The following AGBL1 variants were observed in gnomAD, a reference collection of about 807,000 sequenced individuals.
AGBL1 encodes the protein AGBL carboxypeptidase 1.
Under a neutral mutation model 118.9 loss-of-function variants are expected in AGBL1, and 130 were observed. The observed-to-expected ratio is 1.09, with a 90% CI of 0.95 to 1.26. The LOEUF is 1.26. Among genes scored for constraint, AGBL1 ranks in the 50% most tolerant of loss-of-function variants. AGBL1 has a pLI of 0.00. For synonymous variants in AGBL1, 555 were observed against 478.9 expected, an observed-to-expected ratio of 1.16 and a Z score of -2.08; for missense variants, 1,584 against 1,298.1, an observed-to-expected ratio of 1.22 and a Z score of -3.38.
At chr15:86,159,297 C>G (rs188993390) in intron 5 of AGBL1, among the ~76,000 whole-genome samples, 1 of 152,218 alleles carries the variant, frequency 6.6e-6, no homozygotes, top group East Asian at 1.9e-4. Flanking sequence ...TATCCAAGGT[C>G]CCTGTGGTAG....
At chr15:86,974,394 A>AATATAAAC (rs1323971093) in intron 23 of AGBL1, among the ~76,000 whole-genome samples, 2 of 114,472 alleles carry the variant, frequency 1.7e-5, no homozygotes, top group African/African-American at 6.4e-5. Flanking sequence ...TAATATATTA[A>AATATAAAC]ATATAAACAT....
intron 22 of AGBL1, among the ~76,000 whole-genome samples, chr15:86,766,759 T>G (rs1356189996): frequency 6.6e-6 from 1 of 151,944 alleles, no homozygotes; most frequent in Admixed American, 6.6e-5. Context: ...ATCTGGTCAT[T>G]TGGGCCTAAT....
chr15:86,113,661 T>C (rs143257014), intron 1 of AGBL1, among the ~76,000 whole-genome samples: 106 of 152,302 alleles, frequency 7.0e-4, no homozygotes, highest in African/African-American at 2.5e-3. Context: ...TCCTAGGTTT[T>C]AAGCTTCTAA....
At chr15:86,227,661 C>A (rs890836077) in intron 6 of AGBL1, among the ~76,000 whole-genome samples, 1 of 152,204 alleles carries the variant, frequency 6.6e-6, no homozygotes, top group Non-Finnish European at 1.5e-5. Flanking sequence ...GAAGCTCATT[C>A]AAAGTTTCAA....
At chr15:86,787,707 T>G (rs1483440531) in intron 22 of AGBL1, among the ~76,000 whole-genome samples, 4 of 152,162 alleles carry the variant, frequency 2.6e-5, no homozygotes, top group Non-Finnish European at 4.4e-5. Context: ...AGCACAGATA[T>G]ATTTTTGAGG....
chr15:86,942,184 C>A (rs532266312), intron 23 of AGBL1, among the ~76,000 whole-genome samples: 14 of 152,204 alleles, frequency 9.2e-5, no homozygotes, highest in African/African-American at 3.4e-4. Context: ...GTGGTGTAAC[C>A]AGAATAGGAT....
chr15:86,330,363 G>T (rs1179126344), intron 17 of AGBL1, among the ~76,000 whole-genome samples: 1 of 152,108 alleles, frequency 6.6e-6, no homozygotes, highest in Non-Finnish European at 1.5e-5. Context: ...TTTTGGCAAA[G>T]AAATAGGGCT....
intron 18 of AGBL1, among the ~76,000 whole-genome samples, chr15:86,514,907 A>T (rs1447421563): frequency 6.6e-6 from 1 of 152,206 alleles, no homozygotes; most frequent in Non-Finnish European, 1.5e-5. Flanking sequence ...ATTCAACTTT[A>T]TCATTTAACT....
chr15:86,870,789 A>G (rs1010137573), intron 22 of AGBL1, among the ~76,000 whole-genome samples: 1 of 152,156 alleles, frequency 6.6e-6, no homozygotes, highest in Non-Finnish European at 1.5e-5. Flanking sequence ...TGTCTATACT[A>G]TAGGGGATAC....
At chr15:87,028,204 T>C (rs890043628) in intron 24 of AGBL1, among the ~76,000 whole-genome samples, 2 of 151,872 alleles carry the variant, frequency 1.3e-5, no homozygotes, top group African/African-American at 4.8e-5. Flanking sequence ...ATGCAGTAAG[T>C]TGTGAGATTT....
intron 7 of AGBL1, 93 bp downstream of exon 7, chr15:86,247,972 A>G: frequency 6.9e-7 from 1 of 1,446,520 alleles, no homozygotes; most frequent in Non-Finnish European, 9.6e-7. Context: ...AGAGCTGGGA[A>G]CGCCTCAGTC....
chr15:86,440,467 C>G (rs1432714074), intron 18 of AGBL1, among the ~76,000 whole-genome samples: 1 of 129,952 alleles, frequency 7.7e-6, no homozygotes, highest in Non-Finnish European at 1.6e-5. Context: ...ATTGTCCTAT[C>G]ACCACCATGG....
chr15:86,210,281 C>T (rs949969735), intron 5 of AGBL1, among the ~76,000 whole-genome samples: 1 of 152,120 alleles, frequency 6.6e-6, no homozygotes, highest in Non-Finnish European at 1.5e-5. Flanking sequence ...GCGAACCTGA[C>T]AATTATGTGT....
intron 22 of AGBL1, among the ~76,000 whole-genome samples, chr15:86,718,760 TGAA>T (rs1181200321): frequency 6.6e-6 from 1 of 152,000 alleles, no homozygotes; most frequent in Non-Finnish European, 1.5e-5. Flanking sequence ...GGCCAGGAAA[TGAA>T]GGACTTTTTT....
intron 4 of AGBL1, 128 bp from the exon 5 acceptor site, chr15:86,158,805 T>G: frequency 1.4e-6 from 1 of 724,286 alleles, no homozygotes. Flanking sequence ...GCAACCAGGG[T>G]GGAAAAGAAA....
At chr15:86,117,163 C>T (rs918975059) in intron 1 of AGBL1, among the ~76,000 whole-genome samples, 2 of 152,038 alleles carry the variant, frequency 1.3e-5, no homozygotes, top group Non-Finnish European at 2.9e-5. Flanking sequence ...GGTCCACACT[C>T]ATGGCTCTGG....
At chr15:87,028,712 T>C in intron 24 of AGBL1, 1 of 878,368 alleles carries the variant, frequency 1.1e-6, no homozygotes, top group East Asian at 2.6e-5. Context: ...AATCCATAGA[T>C]GAGGAAAATG....
chr15:87,008,343 G>A (rs975057754), intron 24 of AGBL1, among the ~76,000 whole-genome samples: 1 of 152,198 alleles, frequency 6.6e-6, no homozygotes, highest in Non-Finnish European at 1.5e-5. Context: ...GGTTTTATAA[G>A]AAGGAGTTTC....
chr15:86,983,725 C>G (rs1200071927), intron 23 of AGBL1, among the ~76,000 whole-genome samples: 2 of 152,214 alleles, frequency 1.3e-5, no homozygotes, highest in African/African-American at 4.8e-5. Flanking sequence ...CTCAAACAAC[C>G]AGTATCAGCT....
Sources: gnomAD v4.1 joint callset for allele counts (sites outside exome capture counted in the v4.1 genomes callset) on GRCh38, gnomAD v4.1.1 for gene constraint, MANE v1.5 for transcripts, NCBI Gene and HGNC (gene_info 2026-07-23, HGNC 2026-07-21) for gene names.